ATP8B1: variants seen among roughly 807,000 people sequenced by gnomAD.
ATP8B1 encodes ATPase phospholipid transporting 8B1.
Under a neutral mutation model 149.9 loss-of-function variants are expected in ATP8B1, and 80 were observed. The ratio of observed to expected loss-of-function variants is 0.53; its 90% confidence interval spans 0.45 to 0.64. ATP8B1 has a LOEUF of 0.64. Ranked by LOEUF, ATP8B1 falls within the 30% of genes least tolerant of loss-of-function variation. The probability of loss-of-function intolerance (pLI) is 0.00; values close to 1 mark genes in which losing one functional copy is unlikely to be tolerated. For missense variants in ATP8B1, 1,247 were observed against 1,552.6 expected, an observed-to-expected ratio of 0.80 and a Z score of 3.31; for synonymous variants, 536 against 562.8, an observed-to-expected ratio of 0.95 and a Z score of 0.67.
intron 20 of ATP8B1, among the ~76,000 whole-genome samples, chr18:57,664,073 T>C (rs1910700173): frequency 1.4e-5 from 1 of 72,978 alleles, no homozygotes; most frequent in African/African-American, 4.7e-5. Flanking sequence ...CCAGCCCTTT[T>C]TTTTTTTTTT....
intron 1 of ATP8B1, among the ~76,000 whole-genome samples, chr18:57,744,560 G>T (rs904630321): frequency 3.3e-5 from 5 of 152,178 alleles, no homozygotes; most frequent in African/African-American, 1.2e-4. Flanking sequence ...GTTACCAGGA[G>T]AAAACCCTGG....
chr18:57,765,517 A>G (rs1002583820), intron 1 of ATP8B1, among the ~76,000 whole-genome samples: 6 of 152,136 alleles, frequency 3.9e-5, no homozygotes, highest in African/African-American at 1.2e-4. Flanking sequence ...AAAATACAAA[A>G]AATTAGCCAG....
At chr18:57,782,803 C>CTTTTTTTTTTTTTTTTTTTTTT (rs79009229) in intron 1 of ATP8B1, among the ~76,000 whole-genome samples, 1 of 91,178 alleles carries the variant, frequency 1.1e-5, no homozygotes, top group Non-Finnish European at 1.9e-5. Context: ...TAGTTTGTCT[C>CTTTTTTTTTTTTTTTTTTTTTT]TTTTTTTTTT....
intron 6 of ATP8B1, among the ~76,000 whole-genome samples, chr18:57,700,560 T>C (rs1015184636): frequency 6.6e-6 from 1 of 152,206 alleles, no homozygotes; most frequent in South Asian, 2.1e-4. Context: ...CTCAAAATAG[T>C]CATCTTTTTA....
In ATP8B1 at chr18:57,695,701, C is replaced by G. The variant is rs948301303; in HGVS notation, c.699-169G>C. On this transcript the variant is annotated intron_variant, in intron 8 of 27. Coordinates refer to ENST00000648908, the MANE Select transcript of ATP8B1 (RefSeq NM_001374385.1). The stretch of plus-strand genomic sequence containing the variant: ...GAACTTCAGGTTTGGAAAAGGTTAT[C>G]CCCTGAAGTCGAGAAAATTTCTGAC... Among the ~76,000 whole-genome samples, 3 of 152,164 alleles carry G rather than the reference C, an allele frequency of 2.0e-5. No homozygotes were observed. In the East Asian group the frequency reaches 5.8e-4, roughly 29 times the overall value.
chr18:57,701,009 T>C, intron 6 of ATP8B1, 30 bp downstream of exon 6: 1 of 1,591,490 alleles, frequency 6.3e-7, no homozygotes, highest in East Asian at 2.2e-5. Flanking sequence ...ATTACATCCT[T>C]GAAACTCAGT....
At chr18:57,648,818 T>A in intron 27 of ATP8B1, 106 bp from the exon 28 acceptor site, 1 of 1,070,360 alleles carries the variant, frequency 9.3e-7, no homozygotes, top group Non-Finnish European at 1.4e-6. Context: ...CCCTGACACC[T>A]GCCCCATTTT....
At chr18:57,779,459 G>A (rs534733042) in intron 1 of ATP8B1, among the ~76,000 whole-genome samples, 12 of 152,140 alleles carry the variant, frequency 7.9e-5, no homozygotes, top group African/African-American at 2.9e-4. Context: ...TCCCAGAAGG[G>A]GCAAAAATAA....
At chr18:57,741,996 A>G (rs2079918710) in intron 1 of ATP8B1, among the ~76,000 whole-genome samples, 1 of 152,044 alleles carries the variant, frequency 6.6e-6, no homozygotes, top group African/African-American at 2.4e-5. Flanking sequence ...CAGCCTTTCC[A>G]GTAGCTGGGA....
At chr18:57,778,308 C>T (rs1180222041) in intron 1 of ATP8B1, among the ~76,000 whole-genome samples, 1 of 150,376 alleles carries the variant, frequency 6.6e-6, no homozygotes, top group Non-Finnish European at 1.5e-5. Flanking sequence ...TCACTGCAAG[C>T]TCCGCCTTCC....
chr18:57,798,918 A>T lies in ATP8B1; in HGVS notation c.-26+4080T>A, dbSNP rs144659068. 2.7e-3 allele frequency among the ~76,000 whole-genome samples: 404 copies of T among 152,334 alleles called. 2 individuals are homozygous for T. The highest frequency in any genetic ancestry group is 9.4e-3 in the African/African-American group (392 of 41,580). On this transcript the variant is annotated intron_variant, in intron 1 of 27. Transcript: ENST00000648908. ...GTGCAAATGGGCACTGATGTTTGCT[A>T]AATAAATACTAACTTGTAGAATGAT...
At chr18:57,782,572 T>C (rs1212524077) in intron 1 of ATP8B1, among the ~76,000 whole-genome samples, 1 of 152,168 alleles carries the variant, frequency 6.6e-6, no homozygotes, top group Non-Finnish European at 1.5e-5. Context: ...ATCAATGTTT[T>C]TGATGCTTCC....
In ATP8B1 at chr18:57,789,310, G is replaced by A. The variant is rs531505566; in HGVS notation, c.-26+13688C>T. Among the ~76,000 whole-genome samples, 6 of 152,192 alleles carry A rather than the reference G, an allele frequency of 3.9e-5. No individual in the cohort carries two copies. In the East Asian group the frequency reaches 9.6e-4, roughly 24 times the overall value. ...TTCCAACCTTCGGCTGTGAGGTCTC[G>A]GAAAGAACCCTCGCCTTGTGAGTCT... On this transcript the variant is annotated intron_variant, in intron 1 of 27. Coordinates refer to ENST00000648908, the MANE Select transcript of ATP8B1 (RefSeq NM_001374385.1).
intron 16 of ATP8B1, among the ~76,000 whole-genome samples, chr18:57,674,178 G>A (rs547038076): frequency 2.7e-5 from 4 of 149,572 alleles, no homozygotes; most frequent in East Asian, 2.0e-4. Flanking sequence ...CCTGGGAGGC[G>A]GAGGTTGCAG....
Position 57,701,332 on chromosome 18 carries a change from T to C in ATP8B1, c.394-19A>G, listed in dbSNP as rs1316477431. The stretch of plus-strand genomic sequence containing the variant: ...GAACTGCCTAAAAGAATAAAAGGGC[T>C]TATGTGTGTGTCCATGAAGGCATAT... On this transcript the variant is annotated intron_variant, in intron 4 of 27. Transcript: ENST00000648908. The C allele has an allele frequency of 1.2e-6, 2 of 1,600,612 alleles. No individual in the cohort carries two copies. Among genetic ancestry groups the C allele is most frequent in the East Asian group, 4.5e-5 (2 of 44,814 alleles).
intron 15 of ATP8B1, among the ~76,000 whole-genome samples, chr18:57,681,787 G>A (rs1320274471): frequency 6.6e-6 from 1 of 152,036 alleles, no homozygotes; most frequent in Admixed American, 6.6e-5. Flanking sequence ...GGTGACAAGA[G>A]CAAGACTGTC....
At chr18:57,657,416 T>C (rs567113228) in intron 22 of ATP8B1, among the ~76,000 whole-genome samples, 2 of 152,194 alleles carry the variant, frequency 1.3e-5, no homozygotes, top group Non-Finnish European at 1.5e-5. Context: ...AGAAAAGATA[T>C]GTTGGAGAAC....
At chr18:57,708,800 G>A (rs886115480) in intron 2 of ATP8B1, among the ~76,000 whole-genome samples, 1 of 152,184 alleles carries the variant, frequency 6.6e-6, no homozygotes, top group African/African-American at 2.4e-5. Context: ...CATCCCCCTT[G>A]TGGCTCTATA....
chr18:57,802,802 G>T lies in ATP8B1; in HGVS notation c.-26+196C>A, dbSNP rs1348880166. Reference sequence around the variant, plus strand: ...CAGCCGGCCGTGTCTCGCCGTCCCCGAGGCCTCGGGGGCTCCCAGCACCTC... The same window carrying T: ...CAGCCGGCCGTGTCTCGCCGTCCCCTAGGCCTCGGGGGCTCCCAGCACCTC... On this transcript the variant is annotated intron_variant, in intron 1 of 27. Transcript: ENST00000648908. The surrounding 1 kb of genome is among the most constrained non-coding windows in gnomAD (Gnocchi z 4.9). 6.6e-6 allele frequency among the ~76,000 whole-genome samples: 1 copy of T among 152,104 alleles called. No homozygotes were observed. Among genetic ancestry groups the T allele is most frequent in the African/African-American group, 2.4e-5 (1 of 41,432 alleles).
Sources: allele counts gnomAD v4.1 joint callset (sites outside exome capture counted in the v4.1 genomes callset), GRCh38; gene constraint gnomAD v4.1.1; non-coding constraint Gnocchi (gnomAD v3.1); transcripts MANE v1.5; gene names NCBI Gene and HGNC (gene_info 2026-07-23, HGNC 2026-07-21).